The following MAPRE2 variants were observed in gnomAD, a reference collection of about 807,000 sequenced individuals.
The protein encoded by MAPRE2 is microtubule associated protein RP/EB family member 2.
A neutral mutation model predicts 43.2 loss-of-function variants in MAPRE2; 13 were observed. That is an observed-to-expected ratio of 0.30 (90% CI 0.20 to 0.48). MAPRE2 has a LOEUF of 0.48. Ranked by LOEUF, MAPRE2 falls within the 20% of genes least tolerant of loss-of-function variation. The probability of loss-of-function intolerance (pLI) is 0.99; values close to 1 mark genes in which losing one functional copy is unlikely to be tolerated. For synonymous variants in MAPRE2, 135 were observed against 148.8 expected, an observed-to-expected ratio of 0.91 and a Z score of 0.68; for missense variants, 161 against 400.2, an observed-to-expected ratio of 0.40 and a Z score of 5.10.
intron 2 of MAPRE2, among the ~76,000 whole-genome samples, chr18:35,010,945 T>TA (rs1244227022): frequency 1.3e-5 from 2 of 152,068 alleles, no homozygotes; most frequent in African/African-American, 4.8e-5. Context: ...TATTATAAGA[T>TA]TTTTTTTACC....
chr18:34,988,570 G>A (rs1568963380), intron 1 of MAPRE2: 1 of 152,238 alleles, frequency 6.6e-6, no homozygotes, highest in East Asian at 1.9e-4. Context: ...CCTAAGACTT[G>A]TTTAATGATC....
rs67933808 is a variant in MAPRE2 at position 34,998,772 on chromosome 18, A to ATTTTTTTTTTTTT, written c.-69-6704_-69-6692dup. ...GCCACTGAGCCTGGCCGAAGTTGCA[A>ATTTTTTTTTTTTT]TTTTTTTTTTTTTTTTTTTTTTTTT... On this transcript the variant is annotated intron_variant, in intron 1 of 7. Transcript: ENST00000413393. Among the ~76,000 whole-genome samples the ATTTTTTTTTTTTT allele has an allele frequency of 4.3e-3, 404 of 93,716 alleles. 30 individuals are homozygous for ATTTTTTTTTTTTT. The highest frequency in any genetic ancestry group is 0.013 in the African/African-American group (268 of 20,164). 61.5% of individuals were successfully genotyped at this position (93,716 alleles called of 152,430 possible).
intron 2 of MAPRE2, among the ~76,000 whole-genome samples, chr18:35,020,556 A>G (rs547381596): frequency 1.3e-5 from 2 of 151,928 alleles, no homozygotes; most frequent in African/African-American, 2.4e-5. Context: ...CTTGTCAAAA[A>G]AAAAAAAAAT....
intron 2 of MAPRE2, among the ~76,000 whole-genome samples, chr18:35,031,913 G>A (rs1046595027): frequency 6.6e-6 from 1 of 152,076 alleles, no homozygotes; most frequent in Non-Finnish European, 1.5e-5. Context: ...AGGCCAGGAG[G>A]TATTTGCATG....
intron 2 of MAPRE2, among the ~76,000 whole-genome samples, chr18:35,084,957 A>G (rs1411878705): frequency 6.6e-6 from 1 of 152,228 alleles, no homozygotes; most frequent in African/African-American, 2.4e-5. Flanking sequence ...CTGAAATAAT[A>G]CTGTGGTAAC....
At chr18:35,064,502 C>T (rs753631936) in intron 1 of MAPRE2, among the ~76,000 whole-genome samples, 76 of 152,234 alleles carry the variant, frequency 5.0e-4, no homozygotes, top group Non-Finnish European at 1.1e-3. Flanking sequence ...AGTTAACACT[C>T]ATAATGCTAG....
At chr18:35,118,293 G>A (rs911873149) in intron 4 of MAPRE2, among the ~76,000 whole-genome samples, 3 of 152,256 alleles carry the variant, frequency 2.0e-5, no homozygotes, top group East Asian at 3.9e-4. Flanking sequence ...ACACTGTAAT[G>A]ACCCCTAAAC....
intron 2 of MAPRE2, among the ~76,000 whole-genome samples, chr18:35,006,035 C>T (rs9960275): frequency 0.021 from 3,209 of 152,206 alleles, 117 homozygotes; most frequent in African/African-American, 0.072. Context: ...TTTTTTCTGT[C>T]TGGGATTTGT....
chr18:35,038,432 T>C (rs1244553570), upstream of MAPRE2, among the ~76,000 whole-genome samples: 1 of 152,218 alleles, frequency 6.6e-6, no homozygotes, highest in East Asian at 1.9e-4. Flanking sequence ...AGACCCTCTT[T>C]ATGGCAGTGG....
intron 2 of MAPRE2, among the ~76,000 whole-genome samples, chr18:35,076,996 A>G (rs188019899): frequency 1.3e-5 from 2 of 152,292 alleles, no homozygotes; most frequent in Admixed American, 6.5e-5. Flanking sequence ...GACGAACACC[A>G]TAAATAAGGG....
intron 1 of MAPRE2, among the ~76,000 whole-genome samples, chr18:34,986,494 T>C (rs1266089766): frequency 6.6e-6 from 1 of 152,170 alleles, no homozygotes. Context: ...AAAGACGCTA[T>C]TGATATAAGT....
intron 4 of MAPRE2, among the ~76,000 whole-genome samples, chr18:35,120,561 G>A (rs902867167): frequency 6.6e-6 from 1 of 152,120 alleles, no homozygotes; most frequent in Non-Finnish European, 1.5e-5. Flanking sequence ...GAAAGACTAG[G>A]TCAATATAAC....
intron 2 of MAPRE2, among the ~76,000 whole-genome samples, chr18:35,016,632 C>A (rs1436096706): frequency 6.6e-6 from 1 of 151,772 alleles, no homozygotes; most frequent in Non-Finnish European, 1.5e-5. Flanking sequence ...CATGTTTTTG[C>A]CTATTTTTTG....
chr18:35,044,652 C>T (rs2150600470), intron 1 of MAPRE2, among the ~76,000 whole-genome samples: 1 of 152,290 alleles, frequency 6.6e-6, no homozygotes, highest in Middle Eastern at 3.4e-3. Context: ...AGCTATGTAA[C>T]ATAAGAATAC....
At chr18:35,112,507 T>G (rs930415847) in intron 4 of MAPRE2, among the ~76,000 whole-genome samples, 3 of 152,120 alleles carry the variant, frequency 2.0e-5, no homozygotes, top group Non-Finnish European at 2.9e-5. Context: ...TACCCCATAT[T>G]AGCATGGCAT....
chr18:35,060,832 G>A (rs1426850025), intron 1 of MAPRE2, among the ~76,000 whole-genome samples: 4 of 152,200 alleles, frequency 2.6e-5, no homozygotes, highest in African/African-American at 9.6e-5. Context: ...CAATGAGGCT[G>A]TTAAAAATGG....
At chr18:35,103,157 T>A (rs1908755951) in intron 4 of MAPRE2, among the ~76,000 whole-genome samples, 1 of 152,150 alleles carries the variant, frequency 6.6e-6, no homozygotes, top group African/African-American at 2.4e-5. Flanking sequence ...TTTTTGAAAT[T>A]TTTTTAATAT....
chr18:35,003,063 C>A (rs995162849), intron 1 of MAPRE2, among the ~76,000 whole-genome samples: 1 of 152,224 alleles, frequency 6.6e-6, no homozygotes, highest in Non-Finnish European at 1.5e-5. Flanking sequence ...ATTTTGAGTT[C>A]GTTTTTACGT....
At chr18:35,136,512 A>C (rs1910398515) in intron 6 of MAPRE2, among the ~76,000 whole-genome samples, 1 of 152,218 alleles carries the variant, frequency 6.6e-6, no homozygotes, top group African/African-American at 2.4e-5. Flanking sequence ...AGCAGATAAA[A>C]GCCGCCTGGA....
Sources: allele counts gnomAD v4.1 joint callset (sites outside exome capture counted in the v4.1 genomes callset), GRCh38; gene constraint gnomAD v4.1.1; transcripts MANE v1.5; gene names NCBI Gene and HGNC (gene_info 2026-07-23, HGNC 2026-07-21).